Variants in GOLIM4 observed in about 807,000 individuals in gnomAD.
GOLIM4 encodes the protein golgi integral membrane protein 4, also known as 130 kDa golgi-localized phosphoprotein.
GOLIM4 carries 71 observed loss-of-function variants against 107.4 expected under a neutral mutation model. The ratio of observed to expected loss-of-function variants is 0.66; its 90% CI spans 0.55 to 0.81. GOLIM4 has a LOEUF of 0.81. Ranked by LOEUF, GOLIM4 falls within the 30% of genes least tolerant of loss-of-function variation. The pLI is 0.00. For synonymous variants in GOLIM4, 327 were observed against 294.8 expected (o/e 1.11, Z -1.12); for missense variants, 830 against 826.1 (o/e 1.00, Z -0.06).
At chr3:168,087,101 T>C (rs1327608708) in intron 1 of GOLIM4, among the ~76,000 whole-genome samples, 2 of 152,156 alleles carry the variant, frequency 1.3e-5, no homozygotes, top group Non-Finnish European at 2.9e-5. Context: ...GGCGAGTTCT[T>C]ACTACACTCA....
chr3:168,013,455 C>G (rs995587014), intron 14 of GOLIM4, among the ~76,000 whole-genome samples: 2 of 150,138 alleles, frequency 1.3e-5, no homozygotes, highest in Admixed American at 1.3e-4. Flanking sequence ...ACTTTAACAC[C>G]CCACTGTCAA....
intron 1 of GOLIM4, among the ~76,000 whole-genome samples, chr3:168,069,485 T>C (rs984453047): frequency 6.6e-6 from 1 of 152,210 alleles, no homozygotes; most frequent in Non-Finnish European, 1.5e-5. Flanking sequence ...CTTTAATTGA[T>C]TTTCCTTCAT....
At chr3:168,033,933 T>C (rs879291492) in intron 8 of GOLIM4, among the ~76,000 whole-genome samples, 17 of 152,164 alleles carry the variant, frequency 1.1e-4, no homozygotes, top group Non-Finnish European at 2.4e-4. Flanking sequence ...GAGAATATAG[T>C]ATATCAACAG....
At chr3:168,018,835 A>G (rs1423887550) in intron 14 of GOLIM4, among the ~76,000 whole-genome samples, 2 of 152,216 alleles carry the variant, frequency 1.3e-5, no homozygotes, top group Non-Finnish European at 2.9e-5. Flanking sequence ...ACTGGGGGAA[A>G]AAACAGCCTT....
intron 1 of GOLIM4, among the ~76,000 whole-genome samples, chr3:168,082,765 C>T (rs1240735254): frequency 6.6e-6 from 1 of 151,624 alleles, no homozygotes; most frequent in Non-Finnish European, 1.5e-5. Flanking sequence ...ACTTAGAATG[C>T]CAGTGAACAT....
intron 1 of GOLIM4, among the ~76,000 whole-genome samples, chr3:168,055,896 G>A (rs1386279734): frequency 1.3e-5 from 2 of 152,030 alleles, no homozygotes; most frequent in Non-Finnish European, 1.5e-5. Context: ...TTTGCAGCCT[G>A]ATGAATGTGA....
intron 11 of GOLIM4, 76 bp from the exon 12 acceptor site, chr3:168,027,913 CCAG>C: frequency 2.2e-6 from 2 of 920,076 alleles, no homozygotes. Context: ...AGAAAAGCCA[CCAG>C]TGGACTTTTC....
intron 1 of GOLIM4, among the ~76,000 whole-genome samples, chr3:168,073,734 T>G (rs772023344): frequency 1.3e-5 from 2 of 152,212 alleles, no homozygotes; most frequent in African/African-American, 2.4e-5. Flanking sequence ...TAGGGTATTT[T>G]CTTATACACA....
intron 14 of GOLIM4, 116 bp from the exon 15 acceptor site, chr3:168,010,939 A>T (rs1227864034): frequency 3.9e-6 from 3 of 774,924 alleles, no homozygotes; most frequent in Non-Finnish European, 6.6e-6. Flanking sequence ...ATTTCCAAAA[A>T]GTTCACTCAA....
At chr3:168,052,259 AG>A (rs2108258282) in intron 1 of GOLIM4, among the ~76,000 whole-genome samples, 1 of 152,316 alleles carries the variant, frequency 6.6e-6, no homozygotes, top group East Asian at 1.9e-4. Flanking sequence ...AAAGTGCCAG[AG>A]AAAAAAATCA....
At chr3:168,034,545 T>C (rs1322175925) in intron 8 of GOLIM4, among the ~76,000 whole-genome samples, 1 of 152,232 alleles carries the variant, frequency 6.6e-6, no homozygotes, top group Non-Finnish European at 1.5e-5. Context: ...TCTACTCATA[T>C]CAACTTAATT....
At chr3:168,025,164 G>C in intron 12 of GOLIM4, 69 bp from the exon 13 acceptor site, 1 of 1,276,958 alleles carries the variant, frequency 7.8e-7, no homozygotes, top group Non-Finnish European at 1.1e-6. Flanking sequence ...CATTTGAAAA[G>C]GCTGCCCACT....
In GOLIM4 at chr3:168,060,343, G is replaced by A. The variant is rs1720192796; in HGVS notation, c.188-11978C>T. Among the ~76,000 whole-genome samples the A allele has an allele frequency of 2.0e-5, 3 of 152,216 alleles. No homozygotes were observed. In the South Asian group the frequency reaches 6.2e-4, roughly 32 times the overall value. On this transcript the variant is annotated intron_variant, in intron 1 of 15. Transcript: ENST00000470487. ...ACTAGTTCTGCAGTAATTGAGGCAT[G>A]AGGGTAATGGAAGAAGAGGACCAGT...
intron 1 of GOLIM4, among the ~76,000 whole-genome samples, chr3:168,075,651 A>T (rs1721050109): frequency 6.6e-6 from 1 of 152,136 alleles, no homozygotes; most frequent in South Asian, 2.1e-4. Context: ...CCTACTCTGG[A>T]AATATTCTGA....
At chr3:168,042,189 C>T (rs372774162) in intron 5 of GOLIM4, among the ~76,000 whole-genome samples, 3 of 152,228 alleles carry the variant, frequency 2.0e-5, no homozygotes, top group East Asian at 1.9e-4. Flanking sequence ...TTTTTGCATG[C>T]ACCATATGCC....
At position 168,030,752 on chromosome 3, in the gene GOLIM4, G is replaced by A. The variant is rs145783499; in HGVS notation, c.1177-716C>T. 5.3e-4 allele frequency among the ~76,000 whole-genome samples: 80 copies of A among 152,254 alleles called. No individual in the cohort carries two copies. The East Asian group carries it at 0.015, about 29-fold the overall frequency. On this transcript the variant is annotated intron_variant, in intron 9 of 15. Transcript: ENST00000470487. ...TGTGGAGAAAGGGGAACCCTCGTAC[G>A]CTGTTGGTGAGAATGTAAATTAGTA...
chr3:168,080,397 T>A (rs1262520588), intron 1 of GOLIM4, among the ~76,000 whole-genome samples: 1 of 152,160 alleles, frequency 6.6e-6, no homozygotes, highest in African/African-American at 2.4e-5. Flanking sequence ...TACTTCCTGA[T>A]GCTATAGTTT....
intron 1 of GOLIM4, among the ~76,000 whole-genome samples, chr3:168,078,435 C>A (rs543841408): frequency 6.6e-6 from 1 of 152,122 alleles, no homozygotes; most frequent in Non-Finnish European, 1.5e-5. Flanking sequence ...TAATAAATTG[C>A]TGAATATGAG....
intron 1 of GOLIM4, among the ~76,000 whole-genome samples, chr3:168,051,719 T>G (rs1040462507): frequency 2.0e-5 from 3 of 152,224 alleles, no homozygotes; most frequent in Non-Finnish European, 2.9e-5. Context: ...GCCGTCGTTA[T>G]AACAGCAGCT....
Sources: gnomAD v4.1 joint callset for allele counts (sites outside exome capture counted in the v4.1 genomes callset) on GRCh38, gnomAD v4.1.1 for gene constraint, MANE v1.5 for transcripts, NCBI Gene and HGNC (gene_info 2026-07-23, HGNC 2026-07-21) for gene names.